Variants in ZNF302 observed in about 807,000 individuals in gnomAD.
ZNF302 encodes zinc finger protein 302.
In ZNF302, 12 loss-of-function variants were observed where a neutral mutation model predicts 10.8. The observed-to-expected ratio is 1.11, with a 90% CI of 0.71 to 1.79. ZNF302 has a LOEUF of 1.79. ZNF302 is among the 40% of genes most tolerant of loss of function. The pLI is 0.00. For synonymous variants in ZNF302, 178 were observed against 157.5 expected (o/e 1.13, Z -0.98); for missense variants, 461 against 471.1 (o/e 0.98, Z 0.20).
intron 4 of ZNF302, 95 bp from the exon 5 acceptor site, chr19:34,684,157 C>T (rs554061402): frequency 4.2e-5 from 34 of 811,000 alleles, no homozygotes; most frequent in Middle Eastern, 7.7e-4. Context: ...ACTGTAGAAG[C>T]TTTTTTCAAG....
intron 1 of ZNF302, among the ~76,000 whole-genome samples, chr19:34,678,431 C>CAAA (rs11441977): frequency 0.29 from 32,966 of 114,654 alleles, 5,605 homozygotes; most frequent in Non-Finnish European, 0.35. Context: ...GACTCCGTCT[C>CAAA]AAAAAAAAAA....
At position 34,685,583 on chromosome 19, in the gene ZNF302, A is replaced by G. The variant is rs2068619350; in HGVS notation, c.*346A>G. The stretch of plus-strand genomic sequence containing the variant: ...ACCCAATAGTGTGGTAAGTGTGGAA[A>G]AGCCTTTAGATCATATGAATCCCTA... On this transcript the variant is annotated 3_prime_UTR_variant, in exon 5 of 5. Coordinates refer to ENST00000505242, the MANE Select transcript of ZNF302 (RefSeq NM_001289187.2). 8.5e-6 allele frequency: 12 copies of G among 1,409,456 alleles called. 1 individual carries two copies. The highest frequency in any genetic ancestry group is 3.8e-4 in the Middle Eastern group (2 of 5,326). 87.3% of individuals were successfully genotyped at this position (1,409,456 alleles called of 1,614,324 possible).
Position 34,684,491 on chromosome 19 carries a change from T to C in ZNF302, c.454T>C (p.Leu152=). 3 of 1,612,580 alleles carry C rather than the reference T, an allele frequency of 1.9e-6. No homozygotes were observed. Among genetic ancestry groups the C allele is most frequent in the African/African-American group, 1.3e-5 (1 of 74,902 alleles). ...AGGGAATTCACACAAATATGATATATTAAAGAAGAATTTATCAAAAAAGTC... is the reference window on the plus strand; with the variant it reads ...AGGGAATTCACACAAATATGATATACTAAAGAAGAATTTATCAAAAAAGTC... The part of the protein sequence containing the change: ...AEGNSHKYDI[L]KKNLSKKSVI... The change falls in exon 5 of 5, where the codon TTA becomes CTA. Residue 152 remains leucine, a synonymous_variant. Coordinates refer to ENST00000505242, the MANE Select transcript of ZNF302 (RefSeq NM_001289187.2).
At chr19:34,678,919 C>A in intron 2 of ZNF302, 106 bp downstream of exon 2, 2 of 1,354,890 alleles carry the variant, frequency 1.5e-6, no homozygotes, top group Non-Finnish European at 1.1e-6. Context: ...ATTTAAGGGA[C>A]TAGATCTATG....
rs1189717362 is a variant in ZNF302, at chr19:34,684,841, T to C, written c.804T>C (p.His268=). 6.2e-7 allele frequency: 1 copy of C among 1,613,752 alleles called. No homozygotes were observed. Among genetic ancestry groups the C allele is most frequent in the Non-Finnish European group, 8.5e-7 (1 of 1,179,796 alleles). The change falls in exon 5 of 5, where the codon CAT becomes CAC. Residue 268 remains histidine, a synonymous_variant. Transcript: ENST00000505242. ...TTGAATGTGGGAAGGCCTTTAGCCA[T>C]GGCTCATCACTTACTAACCATCAGA... ...KCIECGKAFS[H]GSSLTNHQST... is the part of the protein sequence containing the mutation.
rs191355529 is a variant in ZNF302 at position 34,685,860 on chromosome 19, C to A, written c.*623C>A. The stretch of plus-strand genomic sequence containing the variant: ...CCCTTAATTGACCTAAGTATACTCA[C>A]ACTAGGAAAAATCTGTGTACATGTA... On this transcript the variant is annotated 3_prime_UTR_variant, in exon 5 of 5. Coordinates refer to ENST00000505242, the MANE Select transcript of ZNF302 (RefSeq NM_001289187.2). 6.1e-4 allele frequency: 155 copies of A among 254,190 alleles called. No individual in the cohort carries two copies. Among genetic ancestry groups the A allele is most frequent in the African/African-American group, 3.2e-3 (144 of 45,500 alleles). 15.7% of individuals were successfully genotyped at this position (254,190 alleles called of 1,614,324 possible).
chr19:34,680,018 T>A, intron 2 of ZNF302: 1 of 681,642 alleles, frequency 1.5e-6, no homozygotes, highest in Non-Finnish European at 2.7e-6. Context: ...TTAAGATAAT[T>A]AGAATTGAAA....
At position 34,685,110 on chromosome 19, in the gene ZNF302, A is replaced by G. The variant is rs772908465; in HGVS notation, c.1073A>G (p.Gln358Arg). 3 of 1,612,598 alleles carry G rather than the reference A, an allele frequency of 1.9e-6. No individual in the cohort carries two copies. Among genetic ancestry groups the G allele is most frequent in the East Asian group, 2.2e-5 (1 of 44,858 alleles). ...KAFCCSSHLT[Q>R]HQRIHSMKKK... ...TTCTGCTGTAGCTCACACCTTACTC[A>G]ACATCAAAGAATTCACAGTATGAAG... is the stretch of plus-strand genomic sequence containing the variant. Residue 358 changes from glutamine (Q) to arginine (R), a missense_variant, in exon 5 of 5, where the codon CAA becomes CGA. Physicochemically the swap from Gln to Arg is conservative, Grantham distance 43. Coordinates refer to ENST00000505242, the MANE Select transcript of ZNF302 (RefSeq NM_001289187.2).
At chr19:34,682,918 A>G in intron 3 of ZNF302, 21 bp downstream of exon 3, 4 of 1,610,676 alleles carry the variant, frequency 2.5e-6, no homozygotes, top group Non-Finnish European at 3.4e-6. Context: ...CACCCCTTCC[A>G]CTCCAATAGG....
At chr19:34,680,044 G>A (rs1600092479) in intron 2 of ZNF302, 1 of 661,016 alleles carries the variant, frequency 1.5e-6, no homozygotes, top group East Asian at 2.7e-5. Flanking sequence ...GTGTGGTAGT[G>A]CATGCCTGTT....
At chr19:34,678,925 C>A in intron 2 of ZNF302, 112 bp downstream of exon 2, 1 of 1,266,772 alleles carries the variant, frequency 7.9e-7, no homozygotes, top group Non-Finnish European at 1.1e-6. Flanking sequence ...GGGACTAGAT[C>A]TATGGTTCCT....
chr19:34,677,223 G>A (rs954353867), upstream of ZNF302: 2 of 151,642 alleles, frequency 1.3e-5, no homozygotes, highest in Admixed American at 1.3e-4. Context: ...GGGATGAGAG[G>A]AGCCCCTTTG....
chr19:34,682,517 C>T (rs1469390537), intron 2 of ZNF302: 1 of 335,452 alleles, frequency 3.0e-6, no homozygotes, highest in East Asian at 6.6e-5. Context: ...AAACTTTTAA[C>T]AAAATTACTG....
intron 3 of ZNF302, 122 bp downstream of exon 3, chr19:34,683,019 C>T: frequency 3.2e-6 from 5 of 1,567,658 alleles, no homozygotes; most frequent in Non-Finnish European, 4.3e-6. Flanking sequence ...AAATGTGCAG[C>T]TCTGTTGTGC....
In ZNF302 at chr19:34,684,389, T is replaced by G; in HGVS notation, c.352T>G (p.Tyr118Asp). 4 of 1,606,924 alleles carry G rather than the reference T, an allele frequency of 2.5e-6. No individual in the cohort carries two copies. Among genetic ancestry groups the G allele is most frequent in the Non-Finnish European group, 3.4e-6 (4 of 1,177,856 alleles). The change falls in exon 5 of 5, where the codon TAT becomes GAT. Residue 118 changes from tyrosine to aspartate, a missense_variant. Transcript: ENST00000505242. ...EFSNSNKNLE[Y>D]TECDTFRSTF... ...TTCAAATTCTAATAAGAATTTGGAA[T>G]ATACAGAATGCGACACATTTAGAAG... is the stretch of plus-strand genomic sequence containing the variant.
chr19:34,682,650 T>A, intron 2 of ZNF302, 127 bp from the exon 3 acceptor site: 2 of 1,410,226 alleles, frequency 1.4e-6, no homozygotes. Context: ...TGACATCACA[T>A]TCCCAGTCAT....
At chr19:34,683,759 C>T (rs1311218151) in intron 4 of ZNF302, among the ~76,000 whole-genome samples, 1 of 152,064 alleles carries the variant, frequency 6.6e-6, no homozygotes, top group African/African-American at 2.4e-5. Flanking sequence ...AGAGCATTTA[C>T]TTTGTTTTTA....
chr19:34,685,096 C>T lies in ZNF302; in HGVS notation c.1059C>T (p.Ser353=). The change falls in exon 5 of 5, where the codon AGC becomes AGT. Residue 353 remains serine (S), a synonymous_variant. Transcript: ENST00000505242. ...AATGTGGGAAAGCTTTCTGCTGTAG[C>T]TCACACCTTACTCAACATCAAAGAA... ...CRECGKAFCC[S]SHLTQHQRIH... The T allele has an allele frequency of 6.2e-7, 1 of 1,613,088 alleles. No individual in the cohort carries two copies. Among genetic ancestry groups the T allele is most frequent in the Non-Finnish European group, 8.5e-7 (1 of 1,179,674 alleles).
rs2068061684 is a variant in ZNF302 at position 34,677,984 on chromosome 19, C to G, written c.-188C>G. ...TGTAAACGCGGGGTGATGACGGCGC[C>G]GACCTCTTGGCACTGTTGTGAGAGC... On this transcript the variant is annotated 5_prime_UTR_variant, in exon 1 of 5. Transcript: ENST00000505242. The G allele has an allele frequency of 1.3e-5, 2 of 152,268 alleles. No individual in the cohort carries two copies. Among genetic ancestry groups the G allele is most frequent in the Non-Finnish European group, 2.9e-5 (2 of 68,064 alleles). 9.4% of individuals were successfully genotyped at this position (152,268 alleles called of 1,614,324 possible).
Sources: gnomAD v4.1 joint callset for allele counts (sites outside exome capture counted in the v4.1 genomes callset) on GRCh38, gnomAD v4.1.1 for gene constraint, MANE v1.5 for transcripts, NCBI Gene and HGNC (gene_info 2026-07-23, HGNC 2026-07-21) for gene names.